Variants in MAML1 observed in about 807,000 individuals in gnomAD.
The protein encoded by MAML1 is mastermind like transcriptional coactivator 1.
A neutral mutation model predicts 77.1 loss-of-function variants in MAML1; 14 were observed. That is an observed-to-expected ratio of 0.18 (90% CI 0.12 to 0.28). MAML1 has a LOEUF of 0.28. MAML1 is among the 10% of genes least tolerant of loss of function. The probability of loss-of-function intolerance (pLI) is 1.00; values close to 1 mark genes in which losing one functional copy is unlikely to be tolerated. For synonymous variants in MAML1, 516 were observed against 551.9 expected, an observed-to-expected ratio of 0.93 and a Z score of 0.91; for missense variants, 1,217 against 1,327.8, an observed-to-expected ratio of 0.92 and a Z score of 1.30.
In MAML1 at chr5:179,766,899, A is replaced by G. The variant is rs569159286; in HGVS notation, c.1731+158A>G. Among the ~76,000 whole-genome samples, 1 of 152,322 alleles carries G rather than the reference A, an allele frequency of 6.6e-6. No individual in the cohort carries two copies. On this transcript the variant is annotated intron_variant, in intron 2 of 4. Coordinates refer to ENST00000292599, the MANE Select transcript of MAML1 (RefSeq NM_014757.5). This position sits in a 1 kb window ranked among gnomAD's most constrained non-coding sequence, Gnocchi z 4.0. ...TCCTCTTGGGAGTGGAAATTTATAA[A>G]ATAAACCAGGGTTGATTGTTAATAA... is the stretch of plus-strand genomic sequence containing the variant.
chr5:179,753,212 TGTGTGTGTGTGC>T (rs753336997), intron 1 of MAML1, among the ~76,000 whole-genome samples: 4,831 of 120,732 alleles, frequency 0.04, 107 homozygotes, highest in South Asian at 0.11. Context: ...TGTGTGTGTG[TGTGTGTGTGTGC>T]GCGCGCGCGC....
chr5:179,761,310 C>G (rs1779721855), intron 1 of MAML1, among the ~76,000 whole-genome samples: 1 of 152,096 alleles, frequency 6.6e-6, no homozygotes, highest in Non-Finnish European at 1.5e-5. Context: ...GGGAGGATCA[C>G]TTGAGCCCAG....
Position 179,733,346 on chromosome 5 carries a change from C to G in MAML1, c.234C>G (p.Pro78=). The G allele has an allele frequency of 7.6e-7, 1 of 1,309,716 alleles. No individual in the cohort carries two copies. The highest frequency in any genetic ancestry group is 9.8e-7 in the Non-Finnish European group (1 of 1,024,424). 81.1% of individuals were successfully genotyped at this position (1,309,716 alleles called of 1,614,324 possible). A position where few individuals can be genotyped will look rare whatever the true frequency, so the allele number is the denominator to read the frequency against. ...AKRAGKHRQP[P]AATAPAPAAP... ...GCGCCGGGAAGCACAGGCAGCCGCC[C>G]GCCGCCACGGCCCCGGCGCCCGCCG... The change falls in exon 1 of 5, where the codon CCC becomes CCG. Residue 78 remains proline, a synonymous_variant. Transcript: ENST00000292599.
In MAML1 at chr5:179,774,559, G is replaced by A; in HGVS notation, c.2733G>A (p.Arg911=). ...SLLPPVSAQQ[R]TSAPAPAPPP... The stretch of plus-strand genomic sequence containing the variant: ...TACCCCCAGTGAGTGCACAGCAGAG[G>A]ACCAGCGCCCCTGCCCCAGCACCAC... Residue 911 remains arginine, a synonymous_variant, in exon 5 of 5, where the codon AGG becomes AGA. Coordinates refer to ENST00000292599, the MANE Select transcript of MAML1 (RefSeq NM_014757.5). The A allele has an allele frequency of 6.2e-7, 1 of 1,612,824 alleles. No individual in the cohort carries two copies. Among genetic ancestry groups the A allele is most frequent in the South Asian group, 1.1e-5 (1 of 91,060 alleles).
chr5:179,738,792 T>G (rs553516264), intron 1 of MAML1, among the ~76,000 whole-genome samples: 1 of 152,238 alleles, frequency 6.6e-6, no homozygotes, highest in African/African-American at 2.4e-5. Flanking sequence ...TCTTTTTTTT[T>G]TTTTTGGAGA....
chr5:179,743,357 C>A (rs1372555780), intron 1 of MAML1, among the ~76,000 whole-genome samples: 2 of 147,626 alleles, frequency 1.4e-5, no homozygotes, highest in African/African-American at 2.5e-5. Context: ...CGACCCCCTG[C>A]CCCACGCTTT....
intron 1 of MAML1, among the ~76,000 whole-genome samples, chr5:179,751,196 C>T (rs995020771): frequency 7.2e-5 from 11 of 151,958 alleles, no homozygotes; most frequent in Non-Finnish European, 1.3e-4. Context: ...TGGTCTCAAA[C>T]TCCTGACCTC....
Position 179,744,676 on chromosome 5 carries a change from G to A in MAML1, c.315+11249G>A, listed in dbSNP as rs188266647. ...AGCCTCCCGAGTAGCTACCATGCCC[G>A]GCTAATTTTTTTATTTTTAGTAGAG... On this transcript the variant is annotated intron_variant, in intron 1 of 4. Coordinates refer to ENST00000292599, the MANE Select transcript of MAML1 (RefSeq NM_014757.5). Among the ~76,000 whole-genome samples the A allele has an allele frequency of 2.6e-3, 398 of 151,566 alleles. 2 individuals are homozygous for A. The highest frequency in any genetic ancestry group is 3.1e-3 in the Non-Finnish European group (211 of 67,922).
intron 1 of MAML1, among the ~76,000 whole-genome samples, chr5:179,759,295 A>G (rs963163301): frequency 6.6e-6 from 1 of 152,250 alleles, no homozygotes; most frequent in Non-Finnish European, 1.5e-5. Context: ...ATCAAACCTC[A>G]GGAAACCTTG....
chr5:179,751,098 C>T lies in MAML1; in HGVS notation c.316-14228C>T, dbSNP rs545111787. 5.7e-3 allele frequency among the ~76,000 whole-genome samples: 875 copies of T among 152,202 alleles called. 8 individuals carry two copies. Among genetic ancestry groups the T allele is most frequent in the Non-Finnish European group, 9.8e-3 (668 of 68,016 alleles). ...AAGCGATTCTCCTGTCTCAGCCTCC[C>T]GAGTAGCTGGGACTACAGGCGCACA... On this transcript the variant is annotated intron_variant, in intron 1 of 4. Coordinates refer to ENST00000292599, the MANE Select transcript of MAML1 (RefSeq NM_014757.5).
chr5:179,771,409 C>T lies in MAML1; in HGVS notation c.2068+166C>T, dbSNP rs192853207. On this transcript the variant is annotated intron_variant, in intron 4 of 4. Transcript: ENST00000292599. This position sits in a 1 kb window ranked among gnomAD's most constrained non-coding sequence, Gnocchi z 4.7. Reference sequence around the variant, plus strand: ...GGGGCCTGGTTTTCTAGTTACTCCACGGCATCAGGAGAAGAGGGCACAGAG... The same window carrying T: ...GGGGCCTGGTTTTCTAGTTACTCCATGGCATCAGGAGAAGAGGGCACAGAG... 2.8e-3 allele frequency among the ~76,000 whole-genome samples: 420 copies of T among 152,316 alleles called. 1 individual carries two copies. Among genetic ancestry groups the T allele is most frequent in the Non-Finnish European group, 4.2e-3 (288 of 68,038 alleles).
chr5:179,767,330 C>T (rs761394809), intron 2 of MAML1, among the ~76,000 whole-genome samples: 16 of 152,050 alleles, frequency 1.1e-4, no homozygotes, highest in Non-Finnish European at 2.4e-4. Context: ...ATTTGTAATA[C>T]ATGCTAAAAT....
intron 1 of MAML1, among the ~76,000 whole-genome samples, chr5:179,746,539 A>G (rs1217285084): frequency 6.6e-6 from 1 of 151,778 alleles, no homozygotes; most frequent in South Asian, 2.1e-4. Flanking sequence ...ACACCCGGCT[A>G]ATTTTGTATT....
intron 1 of MAML1, among the ~76,000 whole-genome samples, chr5:179,748,057 G>A (rs1480301431): frequency 6.6e-6 from 1 of 152,006 alleles, no homozygotes; most frequent in Non-Finnish European, 1.5e-5. Context: ...ACAACAATGT[G>A]CATTTGGTTA....
chr5:179,748,867 T>C (rs556481044), intron 1 of MAML1, among the ~76,000 whole-genome samples: 2 of 152,128 alleles, frequency 1.3e-5, no homozygotes, highest in African/African-American at 4.8e-5. Context: ...GTCTTCAAAA[T>C]TCTGAAGGAA....
chr5:179,774,498 C>T lies in MAML1; in HGVS notation c.2672C>T (p.Ala891Val), dbSNP rs1259186055. 2 of 1,613,282 alleles carry T rather than the reference C, an allele frequency of 1.2e-6. No individual in the cohort carries two copies. The highest frequency in any genetic ancestry group is 1.7e-6 in the Non-Finnish European group (2 of 1,180,040). Residue 891 changes from alanine (A) to valine (V), a missense_variant, in exon 5 of 5, where the codon GCT (alanine) becomes GTT (valine). Physicochemically the swap from Ala to Val is moderately conservative, Grantham distance 64. Coordinates refer to ENST00000292599, the MANE Select transcript of MAML1 (RefSeq NM_014757.5). ...FSQAVPNRPM[A>V]PMSSAAAVGS... ...CAGGCAGTGCCCAACAGGCCCATGG[C>T]TCCCATGAGCTCAGCAGCTGCCGTG... is the stretch of plus-strand genomic sequence containing the variant.
intron 1 of MAML1, among the ~76,000 whole-genome samples, chr5:179,743,295 G>A (rs911362595): frequency 4.7e-5 from 7 of 149,618 alleles, no homozygotes; most frequent in African/African-American, 1.5e-4. Context: ...CAGGTGATCC[G>A]CCTGCCTCCG....
In MAML1 at chr5:179,775,847, A is replaced by G; in HGVS notation, c.*970A>G. ...TTCCTCTCTGCAGCCCAAATGGAAA[A>G]CAATTATTTACTCCATTGGAGGGAA... is the stretch of plus-strand genomic sequence containing the variant. On this transcript the variant is annotated 3_prime_UTR_variant, in exon 5 of 5. Coordinates refer to ENST00000292599, the MANE Select transcript of MAML1 (RefSeq NM_014757.5). 1.0e-6 allele frequency: 1 copy of G among 985,470 alleles called. No homozygotes were observed. Among genetic ancestry groups the G allele is most frequent in the Non-Finnish European group, 1.2e-6 (1 of 829,936 alleles). The allele number at this position is 985,470 out of a possible 1,614,324, so 61.0% of individuals were successfully genotyped here.
At chr5:179,765,271 TCATAG>T (rs1779795391) in intron 1 of MAML1, 50 bp from the exon 2 acceptor site, 7 of 1,480,476 alleles carry the variant, frequency 4.7e-6, no homozygotes, top group Non-Finnish European at 6.4e-6. Flanking sequence ...CTTGTTACTG[TCATAG>T]CAGAGCAAAT....
Sources: gnomAD v4.1 joint callset for allele counts (sites outside exome capture counted in the v4.1 genomes callset) on GRCh38, gnomAD v4.1.1 for gene constraint, Gnocchi (gnomAD v3.1) non-coding constraint, MANE v1.5 for transcripts, NCBI Gene and HGNC (gene_info 2026-07-23, HGNC 2026-07-21) for gene names.